Variants in NRG1 observed in about 807,000 individuals in gnomAD.
NRG1 encodes the protein neuregulin 1.
NRG1 carries 18 observed loss-of-function variants against 63.8 expected under a neutral mutation model. That is an observed-to-expected ratio of 0.28 (90% CI 0.19 to 0.42). The LOEUF (loss-of-function observed/expected upper bound fraction) is 0.42. Ranked by LOEUF, NRG1 falls within the 10% of genes least tolerant of loss-of-function variation. The pLI is 1.00. For synonymous variants in NRG1, 302 were observed against 301.3 expected (o/e 1.00, Z -0.02); for missense variants, 762 against 814.7 (o/e 0.94, Z 0.79).
exon 1 of NRG1, chr8:31,639,382 C>T (rs769187040): frequency 6.5e-7 from 1 of 1,534,688 alleles, no homozygotes; most frequent in South Asian, 1.2e-5. Context: ...TCCCGCTCCG[C>T]TCCGGCAGCA....
At chr8:32,198,414 G>A (rs901509773) in intron 1 of NRG1, among the ~76,000 whole-genome samples, 1 of 152,128 alleles carries the variant, frequency 6.6e-6, no homozygotes, top group African/African-American at 2.4e-5. Context: ...CTGACCTCAG[G>A]TAATCCACCT....
At chr8:32,459,193 A>G (rs1479563648) in intron 1 of NRG1, among the ~76,000 whole-genome samples, 1 of 152,154 alleles carries the variant, frequency 6.6e-6, no homozygotes, top group East Asian at 1.9e-4. Context: ...GGTCTTGCCC[A>G]TCTCAATAAA....
intron 1 of NRG1, among the ~76,000 whole-genome samples, chr8:32,509,874 G>C (rs894132449): frequency 1.1e-4 from 16 of 152,170 alleles, no homozygotes; most frequent in African/African-American, 3.9e-4. Context: ...ATGTTTAGAA[G>C]TTAACATTTC....
chr8:32,722,020 C>T (rs1042250231), intron 5 of NRG1: 4 of 1,548,706 alleles, frequency 2.6e-6, no homozygotes, highest in Non-Finnish European at 3.5e-6. Context: ...TTCCTAAACA[C>T]ATAAGCATTG....
intron 7 of NRG1, among the ~76,000 whole-genome samples, chr8:32,748,115 AT>A (rs1827840571): frequency 6.6e-6 from 1 of 152,014 alleles, no homozygotes; most frequent in African/African-American, 2.4e-5. Flanking sequence ...CCCTCTCTAT[AT>A]GAGGTACTTT....
chr8:32,681,608 TAAACC>T (rs1345927177), intron 5 of NRG1, among the ~76,000 whole-genome samples: 1 of 152,152 alleles, frequency 6.6e-6, no homozygotes, highest in African/African-American at 2.4e-5. Context: ...AATTAATAAT[TAAACC>T]AAACAAAACC....
At chr8:31,691,034 A>G (rs2131125699) in intron 1 of NRG1, among the ~76,000 whole-genome samples, 1 of 152,300 alleles carries the variant, frequency 6.6e-6, no homozygotes, top group East Asian at 1.9e-4. Context: ...TGGCTTGAGA[A>G]TGAGACTGAG....
chr8:31,783,603 C>CAAA lies in NRG1; in HGVS notation c.37+144185_37+144187dup, dbSNP rs772436543. Among the ~76,000 whole-genome samples, 169 of 110,560 alleles carry CAAA rather than the reference C, an allele frequency of 1.5e-3. 1 individual carries two copies. The highest frequency in any genetic ancestry group is 2.6e-3 in the East Asian group (9 of 3,500). The allele number at this position is 110,560 out of a possible 152,430, so 72.5% of individuals were successfully genotyped here. ...TTGGTGTAGAAAAGCTGTTTTCAGG[C>CAAA]AAAAAAAAAAAAAAACAAAAAACAC... On this transcript the variant is annotated intron_variant, in intron 1 of 10. Coordinates refer to the NRG1 transcript ENST00000519301.
At chr8:32,755,716 T>C (rs1373531075) in intron 8 of NRG1, among the ~76,000 whole-genome samples, 1 of 151,994 alleles carries the variant, frequency 6.6e-6, no homozygotes, top group African/African-American at 2.4e-5. Flanking sequence ...GGAAAAGCTA[T>C]AAATGAAATC....
rs574555165 is a variant in NRG1, at chr8:32,730,776, T to C, written c.632+2698T>C. On this transcript the variant is annotated intron_variant, in intron 6 of 11. Coordinates refer to ENST00000356819, the Ensembl canonical transcript of NRG1. ...AATAGAAAATGCCAGAAGCTGAGAA[T>C]TGTAATCTATAAAATATGAGGTTCA... is the stretch of plus-strand genomic sequence containing the variant. Among the ~76,000 whole-genome samples, 3 of 152,290 alleles carry C rather than the reference T, an allele frequency of 2.0e-5. No individual in the cohort carries two copies. The East Asian group carries it at 5.8e-4, about 29-fold the overall frequency.
intron 1 of NRG1, among the ~76,000 whole-genome samples, chr8:32,072,173 G>T (rs1392200672): frequency 6.7e-6 from 1 of 148,986 alleles, no homozygotes; most frequent in Non-Finnish European, 1.5e-5. Flanking sequence ...AATTCTTAGA[G>T]ATTTCATCAT....
intron 1 of NRG1, among the ~76,000 whole-genome samples, chr8:32,185,276 G>A (rs1045566460): frequency 6.6e-6 from 1 of 152,138 alleles, no homozygotes; most frequent in African/African-American, 2.4e-5. Flanking sequence ...AGGTAACAGG[G>A]TGTATTAATA....
chr8:32,087,828 A>G (rs531356511), intron 1 of NRG1, among the ~76,000 whole-genome samples: 2 of 152,158 alleles, frequency 1.3e-5, no homozygotes, highest in South Asian at 4.1e-4. Context: ...ATCATGCAGC[A>G]TTTGTCGTTC....
At chr8:32,389,016 G>C (rs1172625819) in intron 1 of NRG1, among the ~76,000 whole-genome samples, 1 of 152,112 alleles carries the variant, frequency 6.6e-6, no homozygotes, top group Non-Finnish European at 1.5e-5. Flanking sequence ...CTTGAACGAT[G>C]TTCCTTTATC....
At chr8:32,347,991 G>C (rs568472313) in intron 1 of NRG1, among the ~76,000 whole-genome samples, 1 of 152,296 alleles carries the variant, frequency 6.6e-6, no homozygotes, top group African/African-American at 2.4e-5. Context: ...GCTGTGGACT[G>C]TGTTTACATA....
At chr8:32,673,291 C>T (rs963017705) in intron 5 of NRG1, among the ~76,000 whole-genome samples, 2 of 152,070 alleles carry the variant, frequency 1.3e-5, no homozygotes, top group African/African-American at 2.4e-5. Flanking sequence ...ATGGCACTAT[C>T]ATATAAGAGG....
At chr8:31,763,491 C>T (rs1817752105) in intron 1 of NRG1, among the ~76,000 whole-genome samples, 1 of 152,196 alleles carries the variant, frequency 6.6e-6, no homozygotes. Flanking sequence ...TTAGCTTCCC[C>T]CTTTCCATGT....
rs756039743 is a variant in NRG1, at chr8:32,525,207, TCCGGTGCCCATGAAAAAGA to T, written c.38-70619_38-70601del. Among the ~76,000 whole-genome samples the T allele has an allele frequency of 1.6e-4, 25 of 151,972 alleles. No homozygotes were observed. In the Middle Eastern group the frequency reaches 0.01, roughly 62 times the overall value. ...CCCCATTTGAGCCAAAGCTAAGGAG[TCCGGTGCCCATGAAAAAGA>T]CGCAAGCAATGCTGTCCTCCTTGAT... is the stretch of plus-strand genomic sequence containing the variant. On this transcript the variant is annotated intron_variant, in intron 1 of 10. Transcript: ENST00000519301.
chr8:32,413,730 T>C (rs1358655020), intron 1 of NRG1, among the ~76,000 whole-genome samples: 1 of 152,206 alleles, frequency 6.6e-6, no homozygotes, highest in African/African-American at 2.4e-5. Context: ...CTAGTTCACC[T>C]GCTGAACATG....
Sources: allele counts gnomAD v4.1 joint callset (sites outside exome capture counted in the v4.1 genomes callset), GRCh38; gene constraint gnomAD v4.1.1; transcripts MANE v1.5; gene names NCBI Gene and HGNC (gene_info 2026-07-23, HGNC 2026-07-21).